The following PRKAG2 variants were observed in gnomAD, a reference collection of about 807,000 sequenced individuals.
The protein encoded by PRKAG2 is 5'-AMP-activated protein kinase subunit gamma-2.
In PRKAG2, 26 loss-of-function variants were observed where a neutral mutation model predicts 69.6. The observed-to-expected ratio is 0.37, with a 90% CI of 0.27 to 0.52. PRKAG2 has a LOEUF of 0.52. PRKAG2 is among the 20% of genes least tolerant of loss of function. PRKAG2 has a pLI of 0.90. For synonymous variants in PRKAG2, 293 were observed against 285.0 expected (o/e 1.03, Z -0.28); for missense variants, 557 against 740.0 (o/e 0.75, Z 2.87).
At chr7:151,578,473 T>C (rs1353291070) in intron 6 of PRKAG2, among the ~76,000 whole-genome samples, 1 of 152,240 alleles carries the variant, frequency 6.6e-6, no homozygotes, top group Non-Finnish European at 1.5e-5. Flanking sequence ...TCTTCCTTTA[T>C]TGTGATATAT....
At chr7:151,803,758 T>C (rs1226293008) in intron 1 of PRKAG2, among the ~76,000 whole-genome samples, 1 of 150,786 alleles carries the variant, frequency 6.6e-6, no homozygotes, top group Non-Finnish European at 1.5e-5. Flanking sequence ...GCCAACATGG[T>C]GAAATCCCAT....
At position 151,730,779 on chromosome 7, in the gene PRKAG2, G is replaced by A. The variant is rs151223173; in HGVS notation, c.466+50373C>T. ...ACAGGGCCATACTCAGCCAAGGGCA[G>A]GAGAGCCATGGCACGCAGTATTGGG... On this transcript the variant is annotated intron_variant, in intron 3 of 15. Coordinates refer to ENST00000287878, the MANE Select transcript of PRKAG2 (RefSeq NM_016203.4). Among the ~76,000 whole-genome samples the A allele has an allele frequency of 7.1e-3, 1,081 of 152,326 alleles. 14 individuals carry two copies. The highest frequency in any genetic ancestry group is 0.025 in the African/African-American group (1,023 of 41,582).
rs1401297450 is a variant in PRKAG2 at position 151,699,778 on chromosome 7, C to T, written c.467-24141G>A. ...AATCATTGAAAGCAGGACGAGGAGG[C>T]TGGGACACAGCAAGGTGCTCAGGCC... On this transcript the variant is annotated intron_variant, in intron 3 of 15. Coordinates refer to ENST00000287878, the MANE Select transcript of PRKAG2 (RefSeq NM_016203.4). This position sits in a 1 kb window ranked among gnomAD's most constrained non-coding sequence, Gnocchi z 4.5. Among the ~76,000 whole-genome samples, 1 of 152,270 alleles carries T rather than the reference C, an allele frequency of 6.6e-6. No individual in the cohort carries two copies.
At chr7:151,809,100 G>T (rs558895432) in intron 1 of PRKAG2, 7 of 402,880 alleles carry the variant, frequency 1.7e-5, no homozygotes, top group African/African-American at 1.2e-4. Flanking sequence ...CAGAGGGAAG[G>T]GGTGGTGGCA....
intron 5 of PRKAG2, among the ~76,000 whole-genome samples, chr7:151,619,914 G>A (rs543148820): frequency 2.0e-5 from 3 of 152,238 alleles, no homozygotes; most frequent in South Asian, 4.2e-4. Context: ...CCAGCTACTC[G>A]GGAGGCTGAG....
intron 1 of PRKAG2, among the ~76,000 whole-genome samples, chr7:151,875,842 G>A (rs1291203605): frequency 6.6e-6 from 1 of 152,124 alleles, no homozygotes; most frequent in African/African-American, 2.4e-5. Context: ...CGCGGACGGG[G>A]CTGAAGTTCA....
At position 151,836,145 on chromosome 7, in the gene PRKAG2, C is replaced by A. The variant is rs780837562; in HGVS notation, c.114+40362G>T. 1.3e-5 allele frequency among the ~76,000 whole-genome samples: 2 copies of A among 152,218 alleles called. No individual in the cohort carries two copies. The highest frequency in any genetic ancestry group is 2.9e-5 in the Non-Finnish European group (2 of 68,040). ...CTTCCCATATCCTGAGTTTTGTCTT[C>A]GGCCGTGTCTTTGGAGCATTCCTTC... On this transcript the variant is annotated intron_variant, in intron 1 of 15. Transcript: ENST00000287878. The surrounding 1 kb of genome is among the most constrained non-coding windows in gnomAD (Gnocchi z 4.1).
intron 3 of PRKAG2, among the ~76,000 whole-genome samples, chr7:151,755,459 C>T (rs747452122): frequency 2.0e-5 from 3 of 151,988 alleles, no homozygotes; most frequent in Non-Finnish European, 2.9e-5. Context: ...CCTCAGAGGA[C>T]CTCAGAGGCC....
At chr7:151,573,339 T>C (rs1383325098) in intron 8 of PRKAG2, among the ~76,000 whole-genome samples, 42 of 64,134 alleles carry the variant, frequency 6.5e-4, no homozygotes, top group African/African-American at 3.5e-3. Flanking sequence ...GTGGGTTTTT[T>C]TTTTTTTTTT....
At chr7:151,669,840 A>AT in intron 4 of PRKAG2, among the ~76,000 whole-genome samples, 1 of 43,878 alleles carries the variant, frequency 2.3e-5, no homozygotes, top group Admixed American at 2.6e-4. Context: ...GCAGGCACAC[A>AT]CCTGTGCACA....
intron 5 of PRKAG2, among the ~76,000 whole-genome samples, chr7:151,615,297 T>G (rs1028357411): frequency 6.6e-5 from 10 of 152,228 alleles, no homozygotes; most frequent in African/African-American, 2.4e-4. Flanking sequence ...TTTAGTTTGA[T>G]TCCATGTCTT....
In PRKAG2 at chr7:151,715,322, C is replaced by CAAAAAAAAAAA. The variant is rs34971340; in HGVS notation, c.467-39696_467-39686dup. 2.1e-4 allele frequency among the ~76,000 whole-genome samples: 13 copies of CAAAAAAAAAAA among 62,444 alleles called. 1 individual carries two copies. Among genetic ancestry groups the CAAAAAAAAAAA allele is most frequent in the African/African-American group, 7.1e-4 (10 of 14,036 alleles). The allele number at this position is 62,444 out of a possible 152,430, so 41.0% of individuals were successfully genotyped here. On this transcript the variant is annotated intron_variant, in intron 3 of 15. Transcript: ENST00000287878. ...TGAGCCACTGCACCTGGCCTAAAAG[C>CAAAAAAAAAAA]AAAAAAAAAAAAAAAAAAAAAAAAA...
chr7:151,682,471 T>G (rs1452769651), intron 3 of PRKAG2, among the ~76,000 whole-genome samples: 2 of 152,172 alleles, frequency 1.3e-5, no homozygotes, highest in African/African-American at 4.8e-5. Flanking sequence ...ACTCCTGGTA[T>G]CAAGTCACCT....
intron 14 of PRKAG2, among the ~76,000 whole-genome samples, chr7:151,562,349 C>A (rs1445411646): frequency 6.6e-6 from 1 of 150,406 alleles, no homozygotes; most frequent in East Asian, 2.0e-4. Context: ...AACAGTGATA[C>A]CCCTGATAGA....
intron 3 of PRKAG2, among the ~76,000 whole-genome samples, chr7:151,752,335 A>T (rs961563557): frequency 1.6e-4 from 24 of 152,186 alleles, no homozygotes; most frequent in African/African-American, 5.6e-4. Context: ...CTCACTTATG[A>T]GTGGGGGCTA....
chr7:151,856,544 G>C (rs2079780794), intron 1 of PRKAG2, among the ~76,000 whole-genome samples: 1 of 152,212 alleles, frequency 6.6e-6, no homozygotes, highest in African/African-American at 2.4e-5. Context: ...GTGGCCCTTA[G>C]GCAAACAACT....
intron 6 of PRKAG2, among the ~76,000 whole-genome samples, chr7:151,592,953 T>A (rs1196085338): frequency 1.3e-5 from 2 of 152,236 alleles, no homozygotes; most frequent in East Asian, 3.9e-4. Context: ...TCCATGGTAA[T>A]GCATCTCAGC....
rs972368027 is a variant in PRKAG2, at chr7:151,862,710, G to A, written c.114+13797C>T. 3.9e-5 allele frequency among the ~76,000 whole-genome samples: 6 copies of A among 152,224 alleles called. No individual in the cohort carries two copies. The East Asian group carries it at 5.8e-4, about 15-fold the overall frequency. On this transcript the variant is annotated intron_variant, in intron 1 of 15. Coordinates refer to ENST00000287878, the MANE Select transcript of PRKAG2 (RefSeq NM_016203.4). ...TCGTGAGATTTTATGAGAAAGGGAC[G>A]CGGTGCCGTGGATGCCGTGGTGTGG... is the stretch of plus-strand genomic sequence containing the variant.
chr7:151,740,713 C>T (rs1395668958), intron 3 of PRKAG2, among the ~76,000 whole-genome samples: 1 of 152,164 alleles, frequency 6.6e-6, no homozygotes, highest in Non-Finnish European at 1.5e-5. Context: ...CTGCAAGTGT[C>T]GTCAGCACAA....
Sources: gnomAD v4.1 joint callset for allele counts (sites outside exome capture counted in the v4.1 genomes callset) on GRCh38, gnomAD v4.1.1 for gene constraint, Gnocchi (gnomAD v3.1) non-coding constraint, MANE v1.5 for transcripts, NCBI Gene and HGNC (gene_info 2026-07-23, HGNC 2026-07-21) for gene names.